The following SGMS2 variants were observed in gnomAD, a reference collection of about 807,000 sequenced individuals.
SGMS2 encodes the protein phosphatidylcholine:ceramide cholinephosphotransferase 2.
A neutral mutation model predicts 43.8 loss-of-function variants in SGMS2; 21 were observed. The observed-to-expected ratio is 0.48, with a 90% CI of 0.34 to 0.69. The LOEUF (loss-of-function observed/expected upper bound fraction) is 0.69. Among genes scored for constraint, SGMS2 ranks in the 30% least tolerant of loss-of-function variants. The pLI is 0.01. For synonymous variants in SGMS2, 167 were observed against 160.6 expected (o/e 1.04, Z -0.30); for missense variants, 384 against 443.2 (o/e 0.87, Z 1.20).
intron 2 of SGMS2, among the ~76,000 whole-genome samples, chr4:107,870,897 A>C (rs923963253): frequency 2.0e-5 from 3 of 151,982 alleles, no homozygotes; most frequent in African/African-American, 7.3e-5. Flanking sequence ...ATTTATATAG[A>C]GTCATCAATG....
chr4:107,852,134 T>C (rs958127127), intron 1 of SGMS2, among the ~76,000 whole-genome samples: 1 of 151,862 alleles, frequency 6.6e-6, no homozygotes, highest in Non-Finnish European at 1.5e-5. Context: ...AGTGGCGCGA[T>C]CTCGGCTCGC....
chr4:107,855,503 C>T (rs1222160647), intron 1 of SGMS2, among the ~76,000 whole-genome samples: 1 of 152,108 alleles, frequency 6.6e-6, no homozygotes, highest in Non-Finnish European at 1.5e-5. Flanking sequence ...CAAAGCTCTT[C>T]TTGTTATTGA....
At chr4:107,836,451 A>G (rs977614097) in intron 1 of SGMS2, among the ~76,000 whole-genome samples, 15 of 152,218 alleles carry the variant, frequency 9.9e-5, no homozygotes, top group African/African-American at 3.4e-4. Context: ...GGTTGTCTGT[A>G]CCTTCGATTT....
intron 1 of SGMS2, among the ~76,000 whole-genome samples, chr4:107,847,052 A>G (rs1237407457): frequency 2.0e-5 from 3 of 151,732 alleles, no homozygotes; most frequent in Non-Finnish European, 4.4e-5. Context: ...ATTTTCTCCC[A>G]TTTTGTAGGT....
intron 1 of SGMS2, among the ~76,000 whole-genome samples, chr4:107,825,662 G>A (rs1725548924): frequency 8.0e-6 from 1 of 125,228 alleles, no homozygotes; most frequent in Non-Finnish European, 1.6e-5. Flanking sequence ...TACTGATGAT[G>A]TGTGAACAGT....
Position 107,866,344 on chromosome 4 carries a change from T to A in SGMS2, c.-245+7791T>A, listed in dbSNP as rs1364165560. On this transcript the variant is annotated intron_variant, in intron 2 of 6. Coordinates refer to ENST00000690982, the MANE Select transcript of SGMS2 (RefSeq NM_001375905.1). ...ACTTTGGGAGGCCGAGGTAGGTGGATCACCTGAGGTCAGGAGTTGGAGACC... is the reference window on the plus strand; with the variant it reads ...ACTTTGGGAGGCCGAGGTAGGTGGAACACCTGAGGTCAGGAGTTGGAGACC... Among the ~76,000 whole-genome samples, 5 of 152,098 alleles carry A rather than the reference T, an allele frequency of 3.3e-5. No homozygotes were observed. The East Asian group carries it at 9.6e-4, about 29-fold the overall frequency.
At position 107,903,373 on chromosome 4, in the gene SGMS2, G is replaced by A; in HGVS notation, c.714G>A (p.Leu238=). 1 of 1,613,798 alleles carries A rather than the reference G, an allele frequency of 6.2e-7. No individual in the cohort carries two copies. The highest frequency in any genetic ancestry group is 8.5e-7 in the Non-Finnish European group (1 of 1,179,846). ...CGGTTACGCTGACACTGACTTATTT[G>A]TTCATCAAAGAATGTAAGTAATAGC... The part of the protein sequence containing the change: ...GHTVTLTLTY[L]FIKEYSPRHF... The change falls in exon 5 of 7, where the codon TTG becomes TTA. Residue 238 remains leucine (L), a synonymous_variant. Transcript: ENST00000690982.
Position 107,895,775 on chromosome 4 carries a change from A to G in SGMS2, c.222A>G (p.Leu74=), listed in dbSNP as rs764467341. The G allele has an allele frequency of 4.3e-6, 7 of 1,613,870 alleles. No individual in the cohort carries two copies. In the East Asian group the frequency reaches 1.6e-4, roughly 36 times the overall value. ...MPTESRNKFP[L]EWWKTGIAFI... ...CTGAATCAAGGAACAAATTTCCACTAGAGTGGTGGAAAACGGGCATTGCCT... is the reference window on the plus strand; with the variant it reads ...CTGAATCAAGGAACAAATTTCCACTGGAGTGGTGGAAAACGGGCATTGCCT... Residue 74 remains leucine (L), a synonymous_variant, in exon 3 of 7, where the codon CTA becomes CTG. Transcript: ENST00000690982.
chr4:107,898,248 G>A (rs1184575445), intron 3 of SGMS2, among the ~76,000 whole-genome samples: 1 of 118,048 alleles, frequency 8.5e-6, no homozygotes, highest in Non-Finnish European at 1.8e-5. Flanking sequence ...ACTAGTCTAG[G>A]TGGTGTTCCC....
chr4:107,834,984 A>G (rs1726091470), intron 1 of SGMS2, among the ~76,000 whole-genome samples: 1 of 152,160 alleles, frequency 6.6e-6, no homozygotes, highest in African/African-American at 2.4e-5. Context: ...GCAGTGAGCT[A>G]TGATCATGCC....
intron 2 of SGMS2, among the ~76,000 whole-genome samples, chr4:107,865,934 A>G (rs1728081528): frequency 6.6e-6 from 1 of 152,204 alleles, no homozygotes; most frequent in South Asian, 2.1e-4. Context: ...CACAAGAAAT[A>G]AAAGTATAAG....
chr4:107,903,227 A>T lies in SGMS2; in HGVS notation c.574-6A>T. The T allele has an allele frequency of 6.2e-7, 1 of 1,613,760 alleles. No homozygotes were observed. Among genetic ancestry groups the T allele is most frequent in the Non-Finnish European group, 8.5e-7 (1 of 1,179,708 alleles). On this transcript the variant is annotated splice_region_variant and splice_polypyrimidine_tract_variant and intron_variant, in intron 4 of 6. Transcript: ENST00000690982. ...ATTCCCTTCTTAATCTTCTTGTGTC[A>T]TTCAGCTCAATGGAGACTCTCAGGC...
chr4:107,834,694 C>G (rs1162232250), intron 1 of SGMS2, among the ~76,000 whole-genome samples: 1 of 152,144 alleles, frequency 6.6e-6, no homozygotes, highest in Non-Finnish European at 1.5e-5. Flanking sequence ...GGGCTATAGG[C>G]TCTTAGAGTA....
At chr4:107,887,077 A>T (rs1729819843) in intron 2 of SGMS2, among the ~76,000 whole-genome samples, 1 of 152,194 alleles carries the variant, frequency 6.6e-6, no homozygotes, top group Admixed American at 6.5e-5. Flanking sequence ...AGTTAAAAAG[A>T]TTACTTTAGA....
chr4:107,888,490 C>T (rs550807824), intron 2 of SGMS2, among the ~76,000 whole-genome samples: 1 of 152,214 alleles, frequency 6.6e-6, no homozygotes, highest in Admixed American at 6.6e-5. Flanking sequence ...CCTGAACATC[C>T]CTCTTTCTTA....
At chr4:107,834,016 A>T (rs995820462) in intron 1 of SGMS2, among the ~76,000 whole-genome samples, 1 of 152,246 alleles carries the variant, frequency 6.6e-6, no homozygotes, top group Non-Finnish European at 1.5e-5. Flanking sequence ...TCCTCCTGAC[A>T]CTGTGATGTT....
chr4:107,850,378 A>G (rs1328034074), intron 1 of SGMS2, among the ~76,000 whole-genome samples: 4 of 152,180 alleles, frequency 2.6e-5, no homozygotes, highest in Non-Finnish European at 4.4e-5. Context: ...TTGTTTGTTT[A>G]GAAATGTGAT....
At chr4:107,872,307 C>T (rs1560651092) in intron 2 of SGMS2, among the ~76,000 whole-genome samples, 1 of 152,166 alleles carries the variant, frequency 6.6e-6, no homozygotes, top group East Asian at 1.9e-4. Context: ...TGAGTGTTAT[C>T]TCATAAGCCT....
At chr4:107,833,252 G>C (rs1428160089) in intron 1 of SGMS2, among the ~76,000 whole-genome samples, 1 of 152,106 alleles carries the variant, frequency 6.6e-6, no homozygotes, top group Admixed American at 6.5e-5. Flanking sequence ...GTTTTCATTT[G>C]TTGTAAATTA....
Sources: gnomAD v4.1 joint callset for allele counts (sites outside exome capture counted in the v4.1 genomes callset) on GRCh38, gnomAD v4.1.1 for gene constraint, MANE v1.5 for transcripts, NCBI Gene and HGNC (gene_info 2026-07-23, HGNC 2026-07-21) for gene names.